Variants in SLIT3 observed in about 807,000 individuals in gnomAD.
The protein encoded by SLIT3 is slit homolog 3 protein.
SLIT3 carries 68 observed loss-of-function variants against 184.0 expected under a neutral mutation model. The observed-to-expected ratio is 0.37, with a 90% confidence interval of 0.30 to 0.45. The LOEUF (loss-of-function observed/expected upper bound fraction) is 0.45, where lower values mean the gene tolerates loss of function less well. Among genes scored for constraint, SLIT3 ranks in the 20% least tolerant of loss-of-function variants. The probability of loss-of-function intolerance (pLI) is 1.00; values close to 1 mark genes in which losing one functional copy is unlikely to be tolerated. For synonymous variants in SLIT3, 831 were observed against 828.6 expected, an observed-to-expected ratio of 1.00 and a Z score of -0.05; for missense variants, 1,707 against 2,026.0, an observed-to-expected ratio of 0.84 and a Z score of 3.02.
chr5:169,018,019 C>T (rs1581310688), intron 4 of SLIT3: 2 of 152,238 alleles, frequency 1.3e-5, no homozygotes, highest in South Asian at 4.1e-4. Context: ...TGACACAAAA[C>T]AAATCTTCCA....
rs115324174 is a variant in SLIT3, at chr5:169,093,889, C to T, written c.413+99590G>A. Among the ~76,000 whole-genome samples, 1,028 of 152,234 alleles carry T rather than the reference C, an allele frequency of 6.8e-3. 8 individuals are homozygous for T. The highest frequency in any genetic ancestry group is 0.023 in the African/African-American group (969 of 41,546). ...TTTTTATTTCAAGTAAAAATTATTT[C>T]TTAAAAAGTACTAAGAATAGAAGTA... On this transcript the variant is annotated intron_variant, in intron 4 of 35. Coordinates refer to ENST00000519560, the MANE Select transcript of SLIT3 (RefSeq NM_003062.4).
intron 4 of SLIT3, among the ~76,000 whole-genome samples, chr5:168,927,241 G>A (rs534696402): frequency 9.2e-5 from 14 of 152,258 alleles, no homozygotes; most frequent in South Asian, 2.1e-4. Flanking sequence ...CCTTGAGAAC[G>A]TTATGCCAAG....
At chr5:168,805,183 A>C (rs1027079957) in intron 9 of SLIT3, among the ~76,000 whole-genome samples, 1 of 152,180 alleles carries the variant, frequency 6.6e-6, no homozygotes, top group African/African-American at 2.4e-5. Context: ...TGTCTTTCCA[A>C]GCACAGAACA....
chr5:169,209,190 C>T (rs1430783684), intron 3 of SLIT3, among the ~76,000 whole-genome samples: 1 of 152,078 alleles, frequency 6.6e-6, no homozygotes, highest in Non-Finnish European at 1.5e-5. Flanking sequence ...AGCCAACAAA[C>T]ATATGAAAAA....
chr5:168,793,903 A>G (rs1756474619), intron 10 of SLIT3, among the ~76,000 whole-genome samples: 1 of 152,128 alleles, frequency 6.6e-6, no homozygotes, highest in African/African-American at 2.4e-5. Context: ...CAGCTCCTCC[A>G]GCAGGAATGC....
At chr5:168,773,218 G>C (rs1470770738) in intron 13 of SLIT3, among the ~76,000 whole-genome samples, 1 of 152,112 alleles carries the variant, frequency 6.6e-6, no homozygotes, top group East Asian at 1.9e-4. Context: ...ACCCACCACC[G>C]ATTGCTTCTA....
chr5:168,939,313 C>T (rs1173405444), intron 4 of SLIT3, among the ~76,000 whole-genome samples: 1 of 152,158 alleles, frequency 6.6e-6, no homozygotes, highest in Non-Finnish European at 1.5e-5. Flanking sequence ...CATTATAACA[C>T]GTAATAGGGA....
intron 4 of SLIT3, among the ~76,000 whole-genome samples, chr5:168,948,488 G>C (rs1409809492): frequency 6.6e-6 from 1 of 152,220 alleles, no homozygotes; most frequent in Non-Finnish European, 1.5e-5. Flanking sequence ...TGAGAGAAAT[G>C]ATTGTGAGGT....
At chr5:168,745,557 G>A (rs1022063576) in intron 20 of SLIT3, among the ~76,000 whole-genome samples, 4 of 152,190 alleles carry the variant, frequency 2.6e-5, no homozygotes, top group Non-Finnish European at 4.4e-5. Context: ...AATCACAGGC[G>A]TATGCCACCA....
At chr5:168,666,911 A>T in intron 35 of SLIT3, 1 of 706,072 alleles carries the variant, frequency 1.4e-6, no homozygotes. Context: ...AGCCGTGAGG[A>T]TATAATGATG....
intron 9 of SLIT3, among the ~76,000 whole-genome samples, chr5:168,796,879 C>T (rs1756581098): frequency 6.6e-6 from 1 of 151,998 alleles, no homozygotes; most frequent in African/African-American, 2.4e-5. Context: ...TCAGGCCAAC[C>T]CATAACACAG....
chr5:169,051,091 C>T (rs2113060261), intron 4 of SLIT3, among the ~76,000 whole-genome samples: 1 of 152,264 alleles, frequency 6.6e-6, no homozygotes, highest in East Asian at 1.9e-4. Flanking sequence ...CCAGGAAGTT[C>T]ATGTCAACTT....
At position 169,152,138 on chromosome 5, in the gene SLIT3, G is replaced by C. The variant is rs189224340; in HGVS notation, c.413+41341C>G. Reference sequence around the variant, plus strand: ...GACCCAGAGAGGTCATGTGATTATGGTACAAAGAGCCCCAGGTTTGAAGTC... The same window carrying C: ...GACCCAGAGAGGTCATGTGATTATGCTACAAAGAGCCCCAGGTTTGAAGTC... On this transcript the variant is annotated intron_variant, in intron 4 of 35. Coordinates refer to ENST00000519560, the MANE Select transcript of SLIT3 (RefSeq NM_003062.4). 1.2e-3 allele frequency among the ~76,000 whole-genome samples: 190 copies of C among 152,286 alleles called. 1 individual carries two copies. The highest frequency in any genetic ancestry group is 4.5e-3 in the African/African-American group (185 of 41,568).
chr5:168,845,611 C>A (rs1299663473), intron 5 of SLIT3, among the ~76,000 whole-genome samples: 1 of 151,936 alleles, frequency 6.6e-6, no homozygotes. Flanking sequence ...AGGGATCATA[C>A]ACAGATACCA....
chr5:168,851,729 T>C (rs529513473), intron 5 of SLIT3, among the ~76,000 whole-genome samples: 1 of 152,190 alleles, frequency 6.6e-6, no homozygotes, highest in Non-Finnish European at 1.5e-5. Context: ...GGGAAACAAA[T>C]CAATTCCAGG....
At chr5:169,145,739 CA>C (rs1432203711) in intron 4 of SLIT3, among the ~76,000 whole-genome samples, 2 of 152,276 alleles carry the variant, frequency 1.3e-5, no homozygotes, top group East Asian at 3.9e-4. Context: ...AACATATCAA[CA>C]ACAACAATAA....
At chr5:168,986,486 A>G (rs1161693639) in intron 4 of SLIT3, among the ~76,000 whole-genome samples, 1 of 152,152 alleles carries the variant, frequency 6.6e-6, no homozygotes, top group African/African-American at 2.4e-5. Context: ...AGGCTTCAAC[A>G]TATTTATCAG....
In SLIT3 at chr5:169,214,477, G is replaced by C. The variant is rs565220528; in HGVS notation, c.342-20927C>G. On this transcript the variant is annotated intron_variant, in intron 3 of 35. Coordinates refer to ENST00000519560, the MANE Select transcript of SLIT3 (RefSeq NM_003062.4). ...CAAGGCTTGTCTGGGAAACTGGGAG[G>C]AGGCCAGGGTGACTGGGAGGGCCCT... Among the ~76,000 whole-genome samples, 54 of 152,336 alleles carry C rather than the reference G, an allele frequency of 3.5e-4. 1 individual carries two copies. The South Asian group carries it at 8.9e-3, about 25-fold the overall frequency.
At chr5:168,703,881 G>A (rs1431292815) in intron 26 of SLIT3, among the ~76,000 whole-genome samples, 1 of 143,450 alleles carries the variant, frequency 7.0e-6, no homozygotes, top group Admixed American at 7.4e-5. Context: ...GGAAGCAGAG[G>A]TTGCAGTGAG....
Sources: allele counts gnomAD v4.1 joint callset (sites outside exome capture counted in the v4.1 genomes callset), GRCh38; gene constraint gnomAD v4.1.1; transcripts MANE v1.5; gene names NCBI Gene and HGNC (gene_info 2026-07-23, HGNC 2026-07-21).